STK3: variants seen among roughly 807,000 people sequenced by gnomAD.
STK3 encodes the protein serine/threonine kinase 3.
STK3 carries 41 observed loss-of-function variants against 58.0 expected under a neutral mutation model. The observed-to-expected ratio is 0.71, with a 90% CI of 0.55 to 0.92. STK3 has a LOEUF of 0.92. Among genes scored for constraint, STK3 ranks in the 40% least tolerant of loss-of-function variants. STK3 has a pLI of 0.00. For missense variants in STK3, 479 were observed against 602.7 expected, an observed-to-expected ratio of 0.79 and a Z score of 2.15; for synonymous variants, 170 against 191.0, an observed-to-expected ratio of 0.89 and a Z score of 0.91.
intron 1 of STK3, among the ~76,000 whole-genome samples, chr8:98,894,676 C>T (rs1838385560): frequency 6.6e-6 from 1 of 152,212 alleles, no homozygotes; most frequent in Non-Finnish European, 1.5e-5. Context: ...CAGATATCAT[C>T]CCTGTGCTTA....
intron 7 of STK3, among the ~76,000 whole-genome samples, chr8:98,582,304 T>A (rs1424158614): frequency 6.6e-6 from 1 of 152,018 alleles, no homozygotes. Flanking sequence ...AAACCCTTCA[T>A]ATAATCAGCC....
At chr8:98,808,369 G>A (rs1834012816) in intron 1 of STK3, among the ~76,000 whole-genome samples, 1 of 152,132 alleles carries the variant, frequency 6.6e-6, no homozygotes, top group Non-Finnish European at 1.5e-5. Context: ...AAAAAATGAA[G>A]GGACTATATT....
intron 4 of STK3, among the ~76,000 whole-genome samples, chr8:98,738,846 G>A (rs1341847436): frequency 1.3e-5 from 2 of 152,244 alleles, no homozygotes; most frequent in Non-Finnish European, 2.9e-5. Context: ...GTCAAAGAAA[G>A]GGGTGACAGA....
chr8:98,527,037 C>A, intron 9 of STK3, 120 bp from the exon 10 acceptor site: 1 of 642,768 alleles, frequency 1.6e-6, no homozygotes, highest in Non-Finnish European at 2.3e-6. Context: ...GATTCAAGGC[C>A]AACATAATTA....
chr8:98,688,617 G>A (rs1228423536), intron 6 of STK3, among the ~76,000 whole-genome samples: 1 of 151,792 alleles, frequency 6.6e-6, no homozygotes, highest in Non-Finnish European at 1.5e-5. Flanking sequence ...ACACCAAGAG[G>A]AACTCTCAAA....
At chr8:98,733,279 A>C (rs771796034) in intron 4 of STK3, among the ~76,000 whole-genome samples, 2 of 152,232 alleles carry the variant, frequency 1.3e-5, no homozygotes, top group Non-Finnish European at 2.9e-5. Flanking sequence ...AATCTGCTAA[A>C]GCAGGAGTCC....
intron 8 of STK3, among the ~76,000 whole-genome samples, chr8:98,572,029 G>T (rs1355943114): frequency 2.0e-5 from 3 of 152,072 alleles, no homozygotes; most frequent in African/African-American, 7.2e-5. Context: ...ATCATCCAAT[G>T]TACCACATGT....
chr8:98,749,348 T>C lies in STK3; in HGVS notation c.279A>G (p.Thr93=). 1 of 1,607,380 alleles carries C rather than the reference T, an allele frequency of 6.2e-7. No homozygotes were observed. Among genetic ancestry groups the C allele is most frequent in the South Asian group, 1.1e-5 (1 of 89,826 alleles). The change falls in exon 4 of 11, where the codon ACA becomes ACG. Residue 93 remains threonine (T), a synonymous_variant. Coordinates refer to ENST00000419617, the MANE Select transcript of STK3 (RefSeq NM_006281.4). ...AGTACTCCATAACAATCCAGAGGTC[T>C]GTATTCTTAAAATAACTGCCATAGT... The part of the protein sequence containing the change: ...VKYYGSYFKN[T]DLWIVMEYCG...
chr8:98,406,230 ATTTTATTTTATTTTATTTTATT>A (rs1191078492), intron 3 of STK3, among the ~76,000 whole-genome samples: 3 of 140 alleles, frequency 0.021, no homozygotes, highest in Non-Finnish European at 0.05. Flanking sequence ...CAGGCATTTT[ATTTTATTTTATTTTATTTTATT>A]TTATTTTATT....
intron 10 of STK3, among the ~76,000 whole-genome samples, chr8:98,498,344 TGAGAA>T (rs1420934908): frequency 6.6e-6 from 1 of 152,068 alleles, no homozygotes; most frequent in African/African-American, 2.4e-5. Flanking sequence ...AAGTTGCTAA[TGAGAA>T]GAGATCCCAG....
chr8:98,424,602 GCT>G (rs938032943), intron 3 of STK3, among the ~76,000 whole-genome samples: 6 of 152,252 alleles, frequency 3.9e-5, no homozygotes, highest in African/African-American at 1.4e-4. Flanking sequence ...AAGGCAGAGG[GCT>G]CTCTCTCCAT....
In STK3 at chr8:98,602,608, A is replaced by G. The variant is rs1176166668; in HGVS notation, c.685-6439T>C. On this transcript the variant is annotated intron_variant, in intron 6 of 10. Coordinates refer to ENST00000419617, the MANE Select transcript of STK3 (RefSeq NM_006281.4). ...ATTAGGCATAGTACTTCTCCATAGT[A>G]AAACCTAAATTTATACTGAGAGTGT... is the stretch of plus-strand genomic sequence containing the variant. Among the ~76,000 whole-genome samples, 3 of 152,240 alleles carry G rather than the reference A, an allele frequency of 2.0e-5. No homozygotes were observed. The East Asian group carries it at 5.8e-4, about 29-fold the overall frequency.
intron 3 of STK3, among the ~76,000 whole-genome samples, chr8:98,839,192 G>A (rs184210615): frequency 2.8e-4 from 43 of 152,134 alleles, no homozygotes; most frequent in Admixed American, 2.4e-3. Context: ...GACTACAGGT[G>A]TGCATCACTA....
At chr8:98,521,751 T>C (rs952467877) in intron 10 of STK3, among the ~76,000 whole-genome samples, 2 of 152,188 alleles carry the variant, frequency 1.3e-5, no homozygotes, top group African/African-American at 4.8e-5. Flanking sequence ...CAGATTATGC[T>C]TTCCTACTGC....
intron 9 of STK3, among the ~76,000 whole-genome samples, chr8:98,527,276 C>T (rs1299541444): frequency 6.6e-6 from 1 of 151,908 alleles, no homozygotes; most frequent in Non-Finnish European, 1.5e-5. Flanking sequence ...GGCTTTTTTT[C>T]TTTGCATTTA....
At position 98,616,379 on chromosome 8, in the gene STK3, G is replaced by A. The variant is rs1228578257; in HGVS notation, c.685-20210C>T. 6.9e-5 allele frequency among the ~76,000 whole-genome samples: 10 copies of A among 144,216 alleles called. No homozygotes were observed. In the South Asian group the frequency reaches 9.5e-4, roughly 14 times the overall value. The allele number at this position is 144,216 out of a possible 152,430, so 94.6% of individuals were successfully genotyped here. A position where few individuals can be genotyped will look rare whatever the true frequency, so the allele number is the denominator to read the frequency against. On this transcript the variant is annotated intron_variant, in intron 6 of 10. Transcript: ENST00000419617. Reference sequence around the variant, plus strand: ...ATCATGCCAAAATGTAAAGACCATCGAGACTAGGAAGAAACTGCATCAACT... The same window carrying A: ...ATCATGCCAAAATGTAAAGACCATCAAGACTAGGAAGAAACTGCATCAACT...
chr8:98,392,886 C>G (rs892079707), upstream of STK3, among the ~76,000 whole-genome samples: 1 of 152,158 alleles, frequency 6.6e-6, no homozygotes, highest in African/African-American at 2.4e-5. Flanking sequence ...TCACTATGAC[C>G]CTTGCCTGTT....
chr8:98,474,314 A>G (rs1046434815), intron 10 of STK3, among the ~76,000 whole-genome samples: 1 of 152,200 alleles, frequency 6.6e-6, no homozygotes, highest in African/African-American at 2.4e-5. Context: ...AAAAATGTAT[A>G]CTGGGTCATG....
intron 6 of STK3, among the ~76,000 whole-genome samples, chr8:98,617,348 C>A (rs1414460910): frequency 3.6e-5 from 5 of 139,912 alleles, no homozygotes; most frequent in African/African-American, 1.1e-4. Flanking sequence ...TAAATGCCCA[C>A]AAGAGAAAGC....
Sources: allele counts gnomAD v4.1 joint callset (sites outside exome capture counted in the v4.1 genomes callset), GRCh38; gene constraint gnomAD v4.1.1; transcripts MANE v1.5; gene names NCBI Gene and HGNC (gene_info 2026-07-23, HGNC 2026-07-21).